The following AUTS2 variants were observed in gnomAD, a reference collection of about 807,000 sequenced individuals.
AUTS2 encodes autism susceptibility gene 2 protein.
A neutral mutation model predicts 112.4 loss-of-function variants in AUTS2; 17 were observed. The ratio of observed to expected loss-of-function variants is 0.15; its 90% CI spans 0.10 to 0.23. The LOEUF is 0.23. Ranked by LOEUF, AUTS2 falls within the 10% of genes least tolerant of loss-of-function variation. AUTS2 has a pLI of 1.00. For missense variants in AUTS2, 1,510 were observed against 1,701.6 expected, an observed-to-expected ratio of 0.89 and a Z score of 1.98; for synonymous variants, 751 against 702.7, an observed-to-expected ratio of 1.07 and a Z score of -1.09.
chr7:70,650,943 A>C (rs917062983), intron 5 of AUTS2, among the ~76,000 whole-genome samples: 1 of 152,224 alleles, frequency 6.6e-6, no homozygotes, highest in Non-Finnish European at 1.5e-5. Flanking sequence ...GGCATGGCTG[A>C]GGCCCAAGAG....
intron 4 of AUTS2, among the ~76,000 whole-genome samples, chr7:70,245,144 G>GTATATATATATATATATATATATATA (rs71077638): frequency 9.2e-6 from 1 of 108,998 alleles, no homozygotes; most frequent in African/African-American, 4.2e-5. Flanking sequence ...GTGTGTGTGT[G>GTATATATATATATATATATATATATA]TATATATATA....
chr7:69,656,543 T>G (rs1043987607), intron 1 of AUTS2, among the ~76,000 whole-genome samples: 4 of 152,238 alleles, frequency 2.6e-5, no homozygotes, highest in African/African-American at 7.2e-5. Flanking sequence ...GTTGGCCAGA[T>G]AATGTATCCT....
At chr7:70,516,965 T>A (rs932612140) in intron 5 of AUTS2, among the ~76,000 whole-genome samples, 1 of 152,120 alleles carries the variant, frequency 6.6e-6, no homozygotes, top group Non-Finnish European at 1.5e-5. Context: ...GGGGGAATTA[T>A]ATAGCTATAA....
At chr7:70,771,490 G>A in intron 10 of AUTS2, 59 bp from the exon 11 acceptor site, 1 of 1,426,778 alleles carries the variant, frequency 7.0e-7, no homozygotes, top group Non-Finnish European at 9.8e-7. Flanking sequence ...ACGGGAATTT[G>A]AATATGTCAC....
chr7:70,013,764 C>T (rs188080298), intron 2 of AUTS2, among the ~76,000 whole-genome samples: 178 of 152,312 alleles, frequency 1.2e-3, no homozygotes, highest in Admixed American at 2.5e-3. Flanking sequence ...TGTCACCAGG[C>T]TGGAGTGCAG....
At chr7:70,147,983 A>C (rs12698859) in intron 4 of AUTS2, among the ~76,000 whole-genome samples, 1 of 151,856 alleles carries the variant, frequency 6.6e-6, no homozygotes, top group Admixed American at 6.6e-5. Context: ...CTTTCCATCT[A>C]TGTGGCTGGA....
At chr7:69,798,647 G>T (rs911011861) in intron 1 of AUTS2, among the ~76,000 whole-genome samples, 1 of 152,078 alleles carries the variant, frequency 6.6e-6, no homozygotes, top group Non-Finnish European at 1.5e-5. Flanking sequence ...CCATTAGTGG[G>T]GATATAAATT....
rs79553064 is a variant in AUTS2 at position 70,053,157 on chromosome 7, A to G, written c.523-64975A>G. Among the ~76,000 whole-genome samples the G allele has an allele frequency of 3.8e-3, 575 of 152,270 alleles. 5 individuals carry two copies. Among genetic ancestry groups the G allele is most frequent in the African/African-American group, 0.013 (551 of 41,548 alleles). On this transcript the variant is annotated intron_variant, in intron 2 of 18. Transcript: ENST00000342771. ...GAGAAATTACAGATAACAATAAATA[A>G]TAGCCAAAATACCTTTCTTAACTAG... is the stretch of plus-strand genomic sequence containing the variant.
chr7:70,757,114 G>T (rs757792381), intron 6 of AUTS2, among the ~76,000 whole-genome samples: 1 of 152,152 alleles, frequency 6.6e-6, no homozygotes. Context: ...CTTAGTTCGC[G>T]CTTTTTTGCA....
intron 1 of AUTS2, among the ~76,000 whole-genome samples, chr7:69,813,554 ATCTC>A (rs938846325): frequency 2.0e-4 from 30 of 152,340 alleles, no homozygotes; most frequent in Non-Finnish European, 3.5e-4. Context: ...GATTATGTCT[ATCTC>A]TCAGAATCGT....
At chr7:70,721,049 T>C (rs916026170) in intron 6 of AUTS2, among the ~76,000 whole-genome samples, 2 of 151,884 alleles carry the variant, frequency 1.3e-5, no homozygotes, top group Non-Finnish European at 2.9e-5. Context: ...TTTGCTTTTC[T>C]TCAATCTTGG....
At chr7:69,639,591 C>G (rs538359742) in intron 1 of AUTS2, among the ~76,000 whole-genome samples, 1 of 152,334 alleles carries the variant, frequency 6.6e-6, no homozygotes, top group South Asian at 2.1e-4. Context: ...AGCATGTGGT[C>G]TACCCTGTCT....
intron 1 of AUTS2, among the ~76,000 whole-genome samples, chr7:69,770,009 G>T (rs1185339760): frequency 6.6e-6 from 1 of 152,206 alleles, no homozygotes; most frequent in Non-Finnish European, 1.5e-5. Flanking sequence ...GTGTGAATGT[G>T]AAATTCAAGA....
chr7:70,717,524 T>C (rs1351862422), intron 6 of AUTS2, among the ~76,000 whole-genome samples: 1 of 152,194 alleles, frequency 6.6e-6, no homozygotes, highest in Admixed American at 6.5e-5. Context: ...GGAGAGGAAA[T>C]TGATCTCCTG....
chr7:70,778,451 G>A (rs1483456089), intron 14 of AUTS2, among the ~76,000 whole-genome samples: 1 of 151,942 alleles, frequency 6.6e-6, no homozygotes, highest in Non-Finnish European at 1.5e-5. Context: ...TTTTAAAAGG[G>A]TTACGTGATT....
intron 4 of AUTS2, 106 bp downstream of exon 4, chr7:70,134,677 A>T (rs1372126588): frequency 9.7e-7 from 1 of 1,026,598 alleles, no homozygotes. Flanking sequence ...TTTCTCTCTC[A>T]GTCCTAAAGA....
intron 5 of AUTS2, among the ~76,000 whole-genome samples, chr7:70,583,573 A>T (rs1003277896): frequency 6.6e-6 from 1 of 152,208 alleles, no homozygotes; most frequent in Non-Finnish European, 1.5e-5. Context: ...ACACCTTCAC[A>T]GAAACTTCCC....
Position 69,922,303 on chromosome 7 carries a change from A to G in AUTS2, c.522+22805A>G, listed in dbSNP as rs17141018. ...ACTCCTTAAGAGGTTTATTGGGGCA[A>G]TAAACTGTTGGCATTATTACTCACC... On this transcript the variant is annotated intron_variant, in intron 2 of 18. Transcript: ENST00000342771. 8.9e-4 allele frequency among the ~76,000 whole-genome samples: 136 copies of G among 152,320 alleles called. 1 individual carries two copies. Among genetic ancestry groups the G allele is most frequent in the African/African-American group, 3.2e-3 (132 of 41,578 alleles).
intron 2 of AUTS2, among the ~76,000 whole-genome samples, chr7:70,088,408 T>G (rs1299698412): frequency 6.6e-6 from 1 of 152,106 alleles, no homozygotes; most frequent in Non-Finnish European, 1.5e-5. Flanking sequence ...ATTACAGGCA[T>G]GAGCCACCGT....
Sources: gnomAD v4.1 joint callset for allele counts (sites outside exome capture counted in the v4.1 genomes callset) on GRCh38, gnomAD v4.1.1 for gene constraint, MANE v1.5 for transcripts, NCBI Gene and HGNC (gene_info 2026-07-23, HGNC 2026-07-21) for gene names.